The following ARMH1 variants were observed in gnomAD, a reference collection of about 807,000 sequenced individuals.
The protein encoded by ARMH1 is armadillo-like helical domain containing protein 1.
ARMH1 carries 34 observed loss-of-function variants against 50.2 expected under a neutral mutation model. That is an observed-to-expected ratio of 0.68 (90% CI 0.51 to 0.90). ARMH1 has a LOEUF of 0.90. Among genes scored for constraint, ARMH1 ranks in the 40% least tolerant of loss-of-function variants. The pLI is 0.00. For missense variants in ARMH1, 538 were observed against 553.9 expected (o/e 0.97, Z 0.29); for synonymous variants, 221 against 224.2 (o/e 0.99, Z 0.13).
At chr1:44,699,652 T>C (rs565542158) in intron 4 of ARMH1, among the ~76,000 whole-genome samples, 30 of 152,086 alleles carry the variant, frequency 2.0e-4, no homozygotes, top group African/African-American at 7.2e-4. Context: ...GGTTTCGCCA[T>C]GTTAGCCATG....
At chr1:44,698,737 C>T (rs763769434) in intron 4 of ARMH1, among the ~76,000 whole-genome samples, 1 of 150,802 alleles carries the variant, frequency 6.6e-6, no homozygotes, top group African/African-American at 2.4e-5. Flanking sequence ...CGCTTGAACA[C>T]AGGAGGCAGA....
rs180790345 is a variant in ARMH1, at chr1:44,709,468, C to G, written c.724+5295C>G. ...GGGGCGGATCACGAGGTCAGGAGAT[C>G]GAGACCATCCTGGCTAACACGGTGA... is the stretch of plus-strand genomic sequence containing the variant. On this transcript the variant is annotated intron_variant, in intron 6 of 11. Transcript: ENST00000535358. 1.4e-3 allele frequency among the ~76,000 whole-genome samples: 208 copies of G among 152,216 alleles called. 2 individuals carry two copies. In the East Asian group the frequency reaches 0.016, roughly 12 times the overall value.
chr1:44,695,800 C>G (rs1645806416), intron 2 of ARMH1, among the ~76,000 whole-genome samples: 1 of 152,016 alleles, frequency 6.6e-6, no homozygotes, highest in Non-Finnish European at 1.5e-5. Flanking sequence ...AAAAAAATAG[C>G]TGGGTATGGT....
rs1310321989 is a variant in ARMH1 at position 44,689,858 on chromosome 1, G to T, written c.161G>T (p.Gly54Val). ...GAACTGGAGCAGGAGTTTTCCCAGG[G>T]AGCCAGTTTGTTCCTGGTACGCTTG... Reference protein sequence around the residue: ...APELEQEFSQGASLFLVRLTT... With the variant: ...APELEQEFSQVASLFLVRLTT... Residue 54 changes from glycine to valine, a missense_variant, in exon 2 of 12, where the codon GGA becomes GTA. Transcript: ENST00000535358. The T allele has an allele frequency of 7.1e-6, 11 of 1,551,162 alleles. No homozygotes were observed. Among genetic ancestry groups the T allele is most frequent in the African/African-American group, 1.4e-5 (1 of 72,960 alleles).
At position 44,684,044 on chromosome 1, in the gene ARMH1, G is replaced by T. The variant is rs11806076; in HGVS notation, c.-22-5632G>T. Reference sequence around the variant, plus strand: ...GAGTGTGTGAGTGTGTGTGCGTATGGTGTGTGGATAGCTCTTAATCAACAC... The same window carrying T: ...GAGTGTGTGAGTGTGTGTGCGTATGTTGTGTGGATAGCTCTTAATCAACAC... On this transcript the variant is annotated intron_variant, in intron 1 of 11. Coordinates refer to ENST00000535358, the MANE Select transcript of ARMH1 (RefSeq NM_001145636.2). Among the ~76,000 whole-genome samples the T allele has an allele frequency of 4.2e-3, 645 of 151,920 alleles. 6 individuals are homozygous for T. The highest frequency in any genetic ancestry group is 0.015 in the African/African-American group (609 of 41,408).
intron 3 of ARMH1, among the ~76,000 whole-genome samples, chr1:44,697,832 CAAG>C (rs995292533): frequency 1.4e-4 from 22 of 152,234 alleles, no homozygotes; most frequent in South Asian, 6.2e-4. Context: ...GGTGGTATTA[CAAG>C]AAGAAGAAGA....
rs1197782397 is a variant in ARMH1 at position 44,724,309 on chromosome 1, CCCCTCCTCAGA to C, written c.848-7_851del. Reference sequence around the variant, plus strand: ...GGGCGGTCTCTTGCCTCACGGCTGCCCCCTCCTCAGACCCCTCGGTTCTCCAGCTCACCCCC... The same window carrying C: ...GGGCGGTCTCTTGCCTCACGGCTGCCCCCCTCGGTTCTCCAGCTCACCCCC... On this transcript the variant is annotated splice_acceptor_variant and splice_polypyrimidine_tract_variant and coding_sequence_variant and intron_variant, in exon 8 of 12. Coordinates refer to ENST00000535358, the MANE Select transcript of ARMH1 (RefSeq NM_001145636.2). LOFTEE classifies it high-confidence loss of function. The surrounding 1 kb of genome is among the most constrained non-coding windows in gnomAD (Gnocchi z 6.4). 3 of 1,551,150 alleles carry C rather than the reference CCCCTCCTCAGA, an allele frequency of 1.9e-6. No homozygotes were observed. In the African/African-American group the frequency reaches 4.1e-5, roughly 21 times the overall value.
intron 3 of ARMH1, 80 bp from the exon 4 acceptor site, chr1:44,697,983 G>C: frequency 8.7e-7 from 1 of 1,152,924 alleles, no homozygotes; most frequent in Non-Finnish European, 1.2e-6. Flanking sequence ...GTAAAGAGGG[G>C]ACCTTGGGAT....
intron 6 of ARMH1, among the ~76,000 whole-genome samples, chr1:44,714,514 G>A (rs190614703): frequency 7.9e-5 from 12 of 152,226 alleles, no homozygotes; most frequent in Middle Eastern, 6.8e-3. Flanking sequence ...GAACCCGGGA[G>A]GCGGAGGTTG....
intron 2 of ARMH1, among the ~76,000 whole-genome samples, chr1:44,692,467 T>A (rs2148622905): frequency 6.6e-6 from 1 of 152,188 alleles, no homozygotes; most frequent in East Asian, 1.9e-4. Context: ...CCCCACTGGA[T>A]TTTAGATCCA....
intron 4 of ARMH1, among the ~76,000 whole-genome samples, 186 bp from the exon 5 acceptor site, chr1:44,700,737 A>G (rs1646046780): frequency 6.6e-6 from 1 of 152,208 alleles, no homozygotes; most frequent in Admixed American, 6.5e-5. Context: ...CTGAAATAAA[A>G]TCCTCCAGCC....
intron 4 of ARMH1, among the ~76,000 whole-genome samples, chr1:44,700,440 A>G (rs575041168): frequency 2.0e-4 from 30 of 151,912 alleles, no homozygotes; most frequent in Admixed American, 4.6e-4. Flanking sequence ...ACACTGTGAA[A>G]CCCTGTCTCT....
chr1:44,718,953 A>C (rs1250989509), intron 6 of ARMH1, among the ~76,000 whole-genome samples: 2 of 145,344 alleles, frequency 1.4e-5, no homozygotes, highest in African/African-American at 5.1e-5. Flanking sequence ...TGAACCTATG[A>C]GTCAGAGGTT....
Position 44,724,786 on chromosome 1 carries a change from G to C in ARMH1, c.1075G>C (p.Val359Leu). Residue 359 changes from valine to leucine, a missense_variant, in exon 10 of 12, where the codon GTG becomes CTG. Coordinates refer to ENST00000535358, the MANE Select transcript of ARMH1 (RefSeq NM_001145636.2). The surrounding 1 kb of genome is among the most constrained non-coding windows in gnomAD (Gnocchi z 6.4). ...GTGCTTCGTGCAGATGTTCCCCTTG[G>C]TGGCGGAGCACGTGCGCAAGTGCAT... ...LECFVQMFPL[V>L]AEHVRKCMGE... 1 of 1,544,104 alleles carries C rather than the reference G, an allele frequency of 6.5e-7. No individual in the cohort carries two copies. The highest frequency in any genetic ancestry group is 8.7e-7 in the Non-Finnish European group (1 of 1,146,738).
intron 6 of ARMH1, among the ~76,000 whole-genome samples, chr1:44,721,604 A>C (rs557651037): frequency 6.6e-6 from 1 of 152,144 alleles, no homozygotes; most frequent in African/African-American, 2.4e-5. Context: ...CAAAAAGTAC[A>C]CAAAATTAGA....
chr1:44,687,302 G>C (rs1645504552), intron 1 of ARMH1, among the ~76,000 whole-genome samples: 1 of 152,054 alleles, frequency 6.6e-6, no homozygotes, highest in African/African-American at 2.4e-5. Flanking sequence ...TTGGATAAAG[G>C]CCCACCCTAA....
At chr1:44,700,139 C>T (rs1162395425) in intron 4 of ARMH1, among the ~76,000 whole-genome samples, 1 of 152,098 alleles carries the variant, frequency 6.6e-6, no homozygotes, top group East Asian at 1.9e-4. Context: ...GAACATCTCC[C>T]TTTTTCAAAG....
intron 6 of ARMH1, among the ~76,000 whole-genome samples, chr1:44,716,964 C>T (rs1646878787): frequency 1.3e-5 from 2 of 151,558 alleles, no homozygotes; most frequent in African/African-American, 4.9e-5. Flanking sequence ...TATTCTCCTG[C>T]CTCAGCCTCC....
intron 1 of ARMH1, among the ~76,000 whole-genome samples, chr1:44,685,909 A>G (rs1645456434): frequency 6.6e-6 from 1 of 152,154 alleles, no homozygotes; most frequent in Non-Finnish European, 1.5e-5. Context: ...TACAGGCGTG[A>G]GCCACCGCGC....
Sources: gnomAD v4.1 joint callset for allele counts (sites outside exome capture counted in the v4.1 genomes callset) on GRCh38, gnomAD v4.1.1 for gene constraint, Gnocchi (gnomAD v3.1) non-coding constraint, MANE v1.5 for transcripts, NCBI Gene and HGNC (gene_info 2026-07-23, HGNC 2026-07-21) for gene names.